Variants in SLC13A3 observed in about 807,000 individuals in gnomAD.
SLC13A3 encodes the protein solute carrier family 13 member 3, also known as Na(+)/dicarboxylate cotransporter 3.
SLC13A3 carries 40 observed loss-of-function variants against 59.0 expected under a neutral mutation model. The observed-to-expected ratio is 0.68, with a 90% CI of 0.53 to 0.88. The LOEUF is 0.88. Ranked by LOEUF, SLC13A3 falls within the 40% of genes least tolerant of loss-of-function variation. The pLI is 0.00. For synonymous variants in SLC13A3, 317 were observed against 330.3 expected, an observed-to-expected ratio of 0.96 and a Z score of 0.44; for missense variants, 699 against 783.2, an observed-to-expected ratio of 0.89 and a Z score of 1.28.
chr20:46,610,573 C>T lies in SLC13A3; in HGVS notation c.414G>A (p.Leu138=). 1 of 1,613,974 alleles carries T rather than the reference C, an allele frequency of 6.2e-7. No individual in the cohort carries two copies. The highest frequency in any genetic ancestry group is 8.5e-7 in the Non-Finnish European group (1 of 1,179,968). The change falls in exon 3 of 13, where the codon TTG becomes TTA. Residue 138 remains leucine (L), a synonymous_variant. Coordinates refer to ENST00000279027, the MANE Select transcript of SLC13A3 (RefSeq NM_022829.6). The part of the protein sequence containing the change: ...ILGMMVTTSF[L]SMWLSNTAST... Reference sequence around the variant, plus strand: ...AGGCGGTGTTGCTCAGCCACATGGACAAGAACGAGGTGGTCACCATCATCC... The same window carrying T: ...AGGCGGTGTTGCTCAGCCACATGGATAAGAACGAGGTGGTCACCATCATCC...
At chr20:46,643,175 A>C (rs1393631159) in intron 1 of SLC13A3, among the ~76,000 whole-genome samples, 14 of 152,044 alleles carry the variant, frequency 9.2e-5, no homozygotes. Flanking sequence ...TGCCCTTGTG[A>C]GCTTATACCC....
chr20:46,648,942 T>C lies in SLC13A3; in HGVS notation c.111+2369A>G, dbSNP rs1534288. ...ACACACACACACACACACACACACATACACACACACACACACACACACACA... is the reference window on the plus strand; with the variant it reads ...ACACACACACACACACACACACACACACACACACACACACACACACACACA... On this transcript the variant is annotated intron_variant, in intron 1 of 12. Coordinates refer to ENST00000279027, the MANE Select transcript of SLC13A3 (RefSeq NM_022829.6). Among the ~76,000 whole-genome samples the C allele has an allele frequency of 5.3e-3, 611 of 114,668 alleles. 4 individuals are homozygous for C. The highest frequency in any genetic ancestry group is 0.018 in the East Asian group (56 of 3,114). 75.2% of individuals were successfully genotyped at this position (114,668 alleles called of 152,430 possible). A position where few individuals can be genotyped will look rare whatever the true frequency, so the allele number is the denominator to read the frequency against.
chr20:46,649,410 C>T (rs945757202), intron 1 of SLC13A3, among the ~76,000 whole-genome samples: 1 of 152,194 alleles, frequency 6.6e-6, no homozygotes. Context: ...TAAATGCTCC[C>T]CGCCCCTTAA....
chr20:46,624,893 C>T (rs1433715792), intron 1 of SLC13A3, among the ~76,000 whole-genome samples: 2 of 151,984 alleles, frequency 1.3e-5, no homozygotes, highest in African/African-American at 4.8e-5. Context: ...AAGGGAGTTC[C>T]CATATATAGG....
intron 5 of SLC13A3, 139 bp downstream of exon 5, chr20:46,596,018 C>T: frequency 2.8e-6 from 2 of 723,556 alleles, no homozygotes; most frequent in African/African-American, 1.8e-5. Context: ...AGGGATCTCA[C>T]TGGATTTTGT....
At position 46,598,805 on chromosome 20, in the gene SLC13A3, C is replaced by A. The variant is rs111870845; in HGVS notation, c.608+1166G>T. Among the ~76,000 whole-genome samples the A allele has an allele frequency of 7.2e-5, 11 of 152,164 alleles. No homozygotes were observed. In the East Asian group the frequency reaches 1.4e-3, roughly 19 times the overall value. On this transcript the variant is annotated intron_variant, in intron 4 of 12. Transcript: ENST00000279027. ...TCCTCCACCATCACTCTCTCCCCCC[C>A]GAAGCCAACTCTCAGACCCCACCTC...
chr20:46,655,096 A>G (rs886983196), upstream of SLC13A3, among the ~76,000 whole-genome samples: 6 of 151,546 alleles, frequency 4.0e-5, no homozygotes, highest in East Asian at 3.9e-4. Context: ...ATATTTTCCA[A>G]GATTTCTTTT....
At chr20:46,633,778 C>A (rs954991659) in intron 1 of SLC13A3, among the ~76,000 whole-genome samples, 2 of 152,234 alleles carry the variant, frequency 1.3e-5, no homozygotes, top group Non-Finnish European at 2.9e-5. Flanking sequence ...GCTCAAGGCC[C>A]TCTGCCTCAA....
chr20:46,608,852 A>G (rs555746625), intron 3 of SLC13A3: 6 of 1,538,610 alleles, frequency 3.9e-6, no homozygotes, highest in Non-Finnish European at 5.3e-6. Context: ...TCTGCCATCT[A>G]TCTCTCAAGA....
At chr20:46,577,070 G>T (rs536520258) in intron 9 of SLC13A3, among the ~76,000 whole-genome samples, 1 of 102,348 alleles carries the variant, frequency 9.8e-6, no homozygotes, top group Non-Finnish European at 2.2e-5. Context: ...GTCTACAGAC[G>T]TATGAAGCCC....
intron 9 of SLC13A3, among the ~76,000 whole-genome samples, chr20:46,580,983 G>A (rs567849989): frequency 5.3e-5 from 8 of 152,174 alleles, no homozygotes; most frequent in Non-Finnish European, 1.0e-4. Flanking sequence ...AATTAAAAGT[G>A]CATATAAATA....
rs2062462400 is a variant in SLC13A3 at position 46,608,831 on chromosome 20, A to G, written c.541+1615T>C. 2.0e-6 allele frequency: 3 copies of G among 1,515,262 alleles called. No individual in the cohort carries two copies. The East Asian group carries it at 7.4e-5, about 37-fold the overall frequency. The allele number at this position is 1,515,262 out of a possible 1,614,324, so 93.9% of individuals were successfully genotyped here. ...TCACTGAGGTAAATGATCCAAAGCC[A>G]CAGGGGCAGATCTGCCATCTATCTC... On this transcript the variant is annotated intron_variant, in intron 3 of 12. Transcript: ENST00000279027.
chr20:46,631,972 C>A (rs2062742777), intron 1 of SLC13A3, among the ~76,000 whole-genome samples: 1 of 152,138 alleles, frequency 6.6e-6, no homozygotes, highest in Admixed American at 6.5e-5. Context: ...AGGACACTGC[C>A]TCCACCACCA....
chr20:46,558,512 T>A lies in SLC13A3; in HGVS notation c.*1510A>T, dbSNP rs552208701. On this transcript the variant is annotated 3_prime_UTR_variant, in exon 13 of 13. Coordinates refer to ENST00000279027, the MANE Select transcript of SLC13A3 (RefSeq NM_022829.6). ...TCTGGTTACAAATCCCATGAGTTTC[T>A]CTTTGAATGAACCTCTTGCTTCCAG... 2 of 152,360 alleles carry A rather than the reference T, an allele frequency of 1.3e-5. No homozygotes were observed. The highest frequency in any genetic ancestry group is 4.8e-5 in the African/African-American group (2 of 41,590). The allele number at this position is 152,360 out of a possible 1,614,324, so 9.4% of individuals were successfully genotyped here.
intron 3 of SLC13A3, chr20:46,608,903 C>T (rs1426853529): frequency 1.9e-6 from 3 of 1,550,632 alleles, no homozygotes; most frequent in Non-Finnish European, 2.6e-6. Flanking sequence ...ATCATATTCA[C>T]ATTCCACCCG....
At chr20:46,679,263 A>G (rs928792364) in intron 1 of SLC13A3, among the ~76,000 whole-genome samples, 7 of 152,212 alleles carry the variant, frequency 4.6e-5, no homozygotes, top group Non-Finnish European at 1.0e-4. Flanking sequence ...TCCAAAAGGA[A>G]TAAGAAGGGT....
Position 46,651,428 on chromosome 20 carries a change from G to C in SLC13A3, c.-7C>G, listed in dbSNP as rs1189647508. The C allele has an allele frequency of 6.8e-7, 1 of 1,477,944 alleles. No individual in the cohort carries two copies. The highest frequency in any genetic ancestry group is 8.9e-7 in the Non-Finnish European group (1 of 1,121,138). 91.6% of individuals were successfully genotyped at this position (1,477,944 alleles called of 1,614,324 possible). A position where few individuals can be genotyped will look rare whatever the true frequency, so the allele number is the denominator to read the frequency against. On this transcript the variant is annotated 5_prime_UTR_variant, in exon 1 of 13. In the 5' UTR this introduces an upstream ATG that the reference lacks. Transcript: ENST00000279027. The stretch of plus-strand genomic sequence containing the variant: ...CTGCTGCCAGCGCCGCCATCAGCGC[G>C]ATCGCCTGGCGGTACGGGCCGGCCC...
Position 46,584,188 on chromosome 20 carries a change from T to C in SLC13A3, c.1122-519A>G, listed in dbSNP as rs115534671. 2,026 of 984,958 alleles carry C rather than the reference T, an allele frequency of 2.1e-3. 34 individuals carry two copies. In the African/African-American group the frequency reaches 0.032, roughly 16 times the overall value. The allele number at this position is 984,958 out of a possible 1,614,324, so 61.0% of individuals were successfully genotyped here. A position where few individuals can be genotyped will look rare whatever the true frequency, so the allele number is the denominator to read the frequency against. On this transcript the variant is annotated intron_variant, in intron 8 of 12. Transcript: ENST00000279027. ...ATCCACAATGTGTCCTTTAGGGGAGTTTTGCGCACATTAAGCCCTCGGGGC... is the reference window on the plus strand; with the variant it reads ...ATCCACAATGTGTCCTTTAGGGGAGCTTTGCGCACATTAAGCCCTCGGGGC...
chr20:46,565,911 T>G (rs1293348217), intron 11 of SLC13A3, among the ~76,000 whole-genome samples: 2 of 152,238 alleles, frequency 1.3e-5, no homozygotes, highest in African/African-American at 4.8e-5. Context: ...TATGGCCATT[T>G]GTTTACTCAG....
Sources: allele counts gnomAD v4.1 joint callset (sites outside exome capture counted in the v4.1 genomes callset), GRCh38; gene constraint gnomAD v4.1.1; transcripts MANE v1.5; gene names NCBI Gene and HGNC (gene_info 2026-07-23, HGNC 2026-07-21).